Variants in DCP2 observed in about 807,000 individuals in gnomAD.
DCP2 encodes the protein m7GpppN-mRNA hydrolase.
A neutral mutation model predicts 56.1 loss-of-function variants in DCP2; 30 were observed. The ratio of observed to expected loss-of-function variants is 0.53; its 90% CI spans 0.40 to 0.73. DCP2 has a LOEUF of 0.73. Among genes scored for constraint, DCP2 ranks in the 30% least tolerant of loss-of-function variants. DCP2 has a pLI of 0.00. For synonymous variants in DCP2, 197 were observed against 163.3 expected (o/e 1.21, Z -1.57); for missense variants, 533 against 502.7 (o/e 1.06, Z -0.58).
At chr5:112,989,500 A>G (rs1461838461) in intron 2 of DCP2, among the ~76,000 whole-genome samples, 3 of 152,120 alleles carry the variant, frequency 2.0e-5, no homozygotes, top group African/African-American at 7.2e-5. Flanking sequence ...GGAAAATCGG[A>G]GGAAATGAAA....
intron 4 of DCP2, among the ~76,000 whole-genome samples, chr5:113,000,420 A>AGACACACACACACC (rs1554100630): frequency 6.8e-6 from 1 of 146,652 alleles, no homozygotes; most frequent in African/African-American, 2.5e-5. Flanking sequence ...ACACACACAC[A>AGACACACACACACC]CACACCCACA....
chr5:112,984,703 A>AAAATAT, intron 1 of DCP2: 2 of 64,854 alleles, frequency 3.1e-5, no homozygotes, highest in Non-Finnish European at 5.4e-5. Context: ...AAAAAAAAAA[A>AAAATAT]ATATATATAT....
chr5:112,981,168 C>G (rs1160160154), intron 1 of DCP2, among the ~76,000 whole-genome samples: 1 of 151,996 alleles, frequency 6.6e-6, no homozygotes, highest in Non-Finnish European at 1.5e-5. Context: ...ACCACCATGC[C>G]CAGGTATTAA....
At chr5:113,004,298 G>C (rs1174629825) in intron 8 of DCP2, among the ~76,000 whole-genome samples, 1 of 152,190 alleles carries the variant, frequency 6.6e-6, no homozygotes, top group Non-Finnish European at 1.5e-5. Context: ...TCTGACTTTT[G>C]TGTATATGCT....
intron 7 of DCP2, among the ~76,000 whole-genome samples, chr5:113,003,714 A>G (rs1749285174): frequency 6.6e-6 from 1 of 152,194 alleles, no homozygotes; most frequent in Non-Finnish European, 1.5e-5. Context: ...AAAAAATAGT[A>G]GTGTATTAAT....
chr5:112,997,470 A>T (rs1253196197), intron 4 of DCP2, among the ~76,000 whole-genome samples: 3 of 152,188 alleles, frequency 2.0e-5, no homozygotes, highest in Admixed American at 6.5e-5. Context: ...GCACTTATAT[A>T]ATTTAATAGA....
At chr5:113,001,876 C>T (rs994110454) in intron 7 of DCP2, among the ~76,000 whole-genome samples, 1 of 152,086 alleles carries the variant, frequency 6.6e-6, no homozygotes, top group Admixed American at 6.6e-5. Context: ...AAAGGAGCTT[C>T]AGGCACCTTT....
chr5:113,007,888 C>A, intron 8 of DCP2, 50 bp from the exon 9 acceptor site: 2 of 1,496,208 alleles, frequency 1.3e-6, no homozygotes, highest in South Asian at 1.2e-5. Context: ...TTTTTTTGTG[C>A]TATTACATTA....
At chr5:112,984,695 A>ATATATATATATATATATATATAT (rs1332407058) in intron 1 of DCP2, 9 of 75,726 alleles carry the variant, frequency 1.2e-4, no homozygotes, top group East Asian at 3.5e-4. Flanking sequence ...TTAAAAAAAA[A>ATATATATATATATATATATATAT]AAAAAAAAAT....
chr5:112,985,209 T>C (rs1438132029), intron 1 of DCP2, among the ~76,000 whole-genome samples: 3 of 152,178 alleles, frequency 2.0e-5, no homozygotes, highest in Non-Finnish European at 2.9e-5. Context: ...ATTATCCTAA[T>C]TACATATGTG....
chr5:112,980,884 C>G (rs1035794405), intron 1 of DCP2, among the ~76,000 whole-genome samples: 1 of 151,854 alleles, frequency 6.6e-6, no homozygotes, highest in Non-Finnish European at 1.5e-5. Context: ...TATCAACTTT[C>G]TATATTGAAT....
chr5:113,010,733 G>GT (rs765071962), intron 9 of DCP2, 23 bp from the exon 10 acceptor site: 232 of 1,341,242 alleles, frequency 1.7e-4, no homozygotes, highest in African/African-American at 1.1e-3. Context: ...GTGTGTGTGT[G>GT]TGTTTTTTTT....
rs1308453007 is a variant in DCP2, at chr5:112,992,823, T to G, written c.432+53T>G. The G allele has an allele frequency of 5.0e-6, 7 of 1,408,330 alleles. 1 individual carries two copies. The highest frequency in any genetic ancestry group is 2.6e-5 in the Admixed American group (1 of 37,874). The allele number at this position is 1,408,330 out of a possible 1,614,324, so 87.2% of individuals were successfully genotyped here. ...AAATTTGGCTATTAGGGTCTGAATG[T>G]ATTTTTTTTAGCCATATAGACTTAC... On this transcript the variant is annotated intron_variant, in intron 4 of 10. Coordinates refer to ENST00000389063, the MANE Select transcript of DCP2 (RefSeq NM_152624.6).
At chr5:112,997,216 G>A (rs1748901349) in intron 4 of DCP2, among the ~76,000 whole-genome samples, 1 of 152,184 alleles carries the variant, frequency 6.6e-6, no homozygotes, top group South Asian at 2.1e-4. Context: ...GGCCTAGTGT[G>A]GGAATGCAGT....
At chr5:112,977,228 T>A (rs963148054) in intron 1 of DCP2, among the ~76,000 whole-genome samples, 4 of 152,174 alleles carry the variant, frequency 2.6e-5, no homozygotes, top group Non-Finnish European at 5.9e-5. Context: ...CCTCATTTTT[T>A]AAGTTACTCA....
At position 112,985,997 on chromosome 5, in the gene DCP2, T is replaced by C. The variant is rs1748265548; in HGVS notation, c.205+11T>C. On this transcript the variant is annotated intron_variant, in intron 2 of 10. Coordinates refer to ENST00000389063, the MANE Select transcript of DCP2 (RefSeq NM_152624.6). The stretch of plus-strand genomic sequence containing the variant: ...ACTTTGCTAAAGCTGATATCCTTTT[T>C]ATTACTATAATGACTGACTTTCTTG... 6.6e-7 allele frequency: 1 copy of C among 1,519,564 alleles called. No individual in the cohort carries two copies. Among genetic ancestry groups the C allele is most frequent in the Non-Finnish European group, 9.0e-7 (1 of 1,113,476 alleles). The allele number at this position is 1,519,564 out of a possible 1,614,324, so 94.1% of individuals were successfully genotyped here.
rs991022718 is a variant in DCP2 at position 113,013,547 on chromosome 5, C to T, written c.*63C>T. 1 of 1,564,724 alleles carries T rather than the reference C, an allele frequency of 6.4e-7. No homozygotes were observed. The highest frequency in any genetic ancestry group is 8.7e-7 in the Non-Finnish European group (1 of 1,148,156). ...ACCTGTTGAATTTGAGTGGGTGTCT[C>T]CTCAAGCCTTACCTTTCTCAGGTGT... On this transcript the variant is annotated 3_prime_UTR_variant, in exon 11 of 11. Coordinates refer to ENST00000389063, the MANE Select transcript of DCP2 (RefSeq NM_152624.6).
chr5:113,000,345 G>A (rs982664119), intron 4 of DCP2, among the ~76,000 whole-genome samples: 1 of 150,990 alleles, frequency 6.6e-6, no homozygotes, highest in East Asian at 2.0e-4. Flanking sequence ...TGAGATTGCA[G>A]GTGTGAGCCA....
rs2150198061 is a variant in DCP2 at position 113,019,429 on chromosome 5, AC to A, written c.*5946del. ...TGCTAAGAGTTTCTTTGTGCATTTC[AC>A]TACTGTTCTAGGGGACTGCTGTCTC... On this transcript the variant is annotated 3_prime_UTR_variant, in exon 11 of 11. Transcript: ENST00000389063. 6.6e-6 allele frequency: 1 copy of A among 152,240 alleles called. No individual in the cohort carries two copies. The highest frequency in any genetic ancestry group is 1.5e-5 in the Non-Finnish European group (1 of 68,034). 9.4% of individuals were successfully genotyped at this position (152,240 alleles called of 1,614,324 possible). A position where few individuals can be genotyped will look rare whatever the true frequency, so the allele number is the denominator to read the frequency against.
Sources: allele counts gnomAD v4.1 joint callset (sites outside exome capture counted in the v4.1 genomes callset), GRCh38; gene constraint gnomAD v4.1.1; transcripts MANE v1.5; gene names NCBI Gene and HGNC (gene_info 2026-07-23, HGNC 2026-07-21).